Variants in DDAH1 observed in about 807,000 individuals in gnomAD.
DDAH1 encodes N(G),N(G)-dimethylarginine dimethylaminohydrolase 1.
A neutral mutation model predicts 28.8 loss-of-function variants in DDAH1; 19 were observed. That is an observed-to-expected ratio of 0.66 (90% confidence interval 0.46 to 0.97). DDAH1 has a LOEUF of 0.97. Ranked by LOEUF, DDAH1 falls within the 50% of genes least tolerant of loss-of-function variation. DDAH1 has a pLI of 0.00. For missense variants in DDAH1, 326 were observed against 375.9 expected (o/e 0.87, Z 1.10); for synonymous variants, 153 against 154.4 (o/e 0.99, Z 0.07).
intron 1 of DDAH1, chr1:85,380,403 A>G (rs1296961948): frequency 4.6e-5 from 7 of 152,148 alleles, no homozygotes; most frequent in Non-Finnish European, 1.0e-4. Context: ...TTTACCCAGC[A>G]TTTTGTGCTG....
chr1:85,355,824 G>C lies in DDAH1; in HGVS notation c.403+2924C>G, dbSNP rs902994081. On this transcript the variant is annotated intron_variant, in intron 2 of 5. Coordinates refer to ENST00000284031, the MANE Select transcript of DDAH1 (RefSeq NM_012137.4). ...CAGAGAACTACACAACATTGAAAAT[G>C]AACTACAGCTACACACATCAACTTA... Among the ~76,000 whole-genome samples the C allele has an allele frequency of 1.6e-4, 25 of 152,094 alleles. 1 individual carries two copies. Among genetic ancestry groups the C allele is most frequent in the Admixed American group, 1.5e-3 (23 of 15,266 alleles).
At chr1:85,480,386 CTAAG>C (rs1412671023) in intron 2 of DDAH1, among the ~76,000 whole-genome samples, 1 of 152,166 alleles carries the variant, frequency 6.6e-6, no homozygotes, top group African/African-American at 2.4e-5. Context: ...TATTAAGTGA[CTAAG>C]TGTGCTAGAT....
At chr1:85,424,923 T>C (rs1479339674) in intron 1 of DDAH1, among the ~76,000 whole-genome samples, 3 of 152,206 alleles carry the variant, frequency 2.0e-5, no homozygotes, top group Non-Finnish European at 4.4e-5. Flanking sequence ...GAATTAGTTA[T>C]ATAAACAATA....
At chr1:85,576,721 G>C (rs1055829299) in intron 1 of DDAH1, 4 of 152,524 alleles carry the variant, frequency 2.6e-5, no homozygotes, top group Non-Finnish European at 4.4e-5. Flanking sequence ...ACAGGGGGGC[G>C]GACGGGAAAA....
intron 2 of DDAH1, among the ~76,000 whole-genome samples, chr1:85,482,853 A>T (rs2100718657): frequency 6.6e-6 from 1 of 152,368 alleles, no homozygotes; most frequent in East Asian, 1.9e-4. Context: ...TCAATAGGAA[A>T]TGATTTAACT....
At chr1:85,487,533 T>C (rs1656244686) in intron 2 of DDAH1, among the ~76,000 whole-genome samples, 1 of 152,248 alleles carries the variant, frequency 6.6e-6, no homozygotes, top group African/African-American at 2.4e-5. Flanking sequence ...TCTTTGAATA[T>C]AATCTTATTT....
intron 1 of DDAH1, among the ~76,000 whole-genome samples, chr1:85,444,407 A>G (rs576067343): frequency 5.3e-5 from 8 of 152,206 alleles, no homozygotes; most frequent in African/African-American, 1.9e-4. Flanking sequence ...GTGCTGCTGG[A>G]TTTGGTTTGC....
chr1:85,357,443 A>T (rs181539596), intron 2 of DDAH1, among the ~76,000 whole-genome samples: 51 of 152,360 alleles, frequency 3.3e-4, no homozygotes, highest in Non-Finnish European at 2.9e-5. Flanking sequence ...AACTGCTTAA[A>T]TGTCACAGAA....
intron 1 of DDAH1, among the ~76,000 whole-genome samples, chr1:85,392,619 C>G (rs1039969823): frequency 2.6e-5 from 4 of 151,690 alleles, no homozygotes; most frequent in African/African-American, 9.7e-5. Context: ...ATAGTGAAAC[C>G]CTGTCTGTAC....
At chr1:85,461,709 T>C (rs1177547867) in intron 1 of DDAH1, among the ~76,000 whole-genome samples, 2 of 152,218 alleles carry the variant, frequency 1.3e-5, no homozygotes, top group African/African-American at 2.4e-5. Context: ...AAGGCCTTGG[T>C]GACAAAATGT....
chr1:85,533,836 G>A (rs1276559561), intron 1 of DDAH1, among the ~76,000 whole-genome samples: 4 of 152,150 alleles, frequency 2.6e-5, no homozygotes, highest in Non-Finnish European at 4.4e-5. Flanking sequence ...TGTGCAAAAA[G>A]CCCTTAGGAC....
intron 1 of DDAH1, among the ~76,000 whole-genome samples, chr1:85,505,709 C>G (rs1441516766): frequency 6.6e-6 from 1 of 152,140 alleles, no homozygotes; most frequent in Non-Finnish European, 1.5e-5. Flanking sequence ...TTATCATTAT[C>G]TGAGATTAAA....
At chr1:85,340,227 C>T in intron 4 of DDAH1, among the ~76,000 whole-genome samples, 1 of 152,282 alleles carries the variant, frequency 6.6e-6, no homozygotes, top group South Asian at 2.1e-4. Flanking sequence ...GGATGCCTAC[C>T]AGAGCTGCTG....
At chr1:85,388,219 T>C (rs11161606) in intron 1 of DDAH1, among the ~76,000 whole-genome samples, 60,432 of 152,028 alleles carry the variant, frequency 0.4, 12,217 homozygotes, top group South Asian at 0.59. Flanking sequence ...AGATCACAAT[T>C]GTGACTATCT....
At chr1:85,449,983 G>A (rs1226869460) in intron 1 of DDAH1, among the ~76,000 whole-genome samples, 3 of 152,136 alleles carry the variant, frequency 2.0e-5, no homozygotes, top group East Asian at 1.9e-4. Context: ...TATACAAACA[G>A]GAGCAACAGC....
chr1:85,504,878 T>C (rs1198934572), intron 1 of DDAH1, among the ~76,000 whole-genome samples: 3 of 150,562 alleles, frequency 2.0e-5, no homozygotes, highest in Non-Finnish European at 4.4e-5. Context: ...CCTCATTCCC[T>C]ACCCCATGCC....
At chr1:85,463,032 G>A (rs940625843) in intron 1 of DDAH1, among the ~76,000 whole-genome samples, 1 of 152,234 alleles carries the variant, frequency 6.6e-6, no homozygotes, top group Non-Finnish European at 1.5e-5. Flanking sequence ...TATGTCCACT[G>A]TATAGATGCG....
intron 1 of DDAH1, among the ~76,000 whole-genome samples, chr1:85,548,734 CT>C (rs972762844): frequency 2.0e-5 from 3 of 152,136 alleles, no homozygotes; most frequent in African/African-American, 7.2e-5. Context: ...GAATTCTGGT[CT>C]TAAGAGATGC....
At chr1:85,488,469 C>T (rs1656279993) in intron 2 of DDAH1, 1 of 152,148 alleles carries the variant, frequency 6.6e-6, no homozygotes, top group African/African-American at 2.4e-5. Context: ...GAGAGTCCCA[C>T]CCTCATAACC....
Sources: gnomAD v4.1 joint callset for allele counts (sites outside exome capture counted in the v4.1 genomes callset) on GRCh38, gnomAD v4.1.1 for gene constraint, MANE v1.5 for transcripts, NCBI Gene and HGNC (gene_info 2026-07-23, HGNC 2026-07-21) for gene names.